PPHLN1: variants seen among roughly 807,000 people sequenced by gnomAD.
The protein encoded by PPHLN1 is periphilin 1.
PPHLN1 carries 29 observed loss-of-function variants against 51.3 expected under a neutral mutation model. The ratio of observed to expected loss-of-function variants is 0.57; its 90% CI spans 0.42 to 0.77. The LOEUF (loss-of-function observed/expected upper bound fraction) is 0.77, where lower values mean the gene tolerates loss of function less well. Ranked by LOEUF, PPHLN1 falls within the 30% of genes least tolerant of loss-of-function variation. The pLI is 0.00. For synonymous variants in PPHLN1, 147 were observed against 147.8 expected, an observed-to-expected ratio of 0.99 and a Z score of 0.04; for missense variants, 436 against 438.4, an observed-to-expected ratio of 0.99 and a Z score of 0.05.
At chr12:42,343,808 A>T (rs2071846120) in intron 2 of PPHLN1, 3 of 402,880 alleles carry the variant, frequency 7.4e-6, no homozygotes. Flanking sequence ...AAGATGCCTT[A>T]GCTCTCTGGG....
At chr12:42,383,852 C>T (rs2076960090) in intron 5 of PPHLN1, among the ~76,000 whole-genome samples, 2 of 151,722 alleles carry the variant, frequency 1.3e-5, no homozygotes. Flanking sequence ...GGTGTGGTCG[C>T]AGGTGCCTGT....
chr12:42,351,773 A>C lies in PPHLN1; in HGVS notation c.73-112A>C, dbSNP rs913242178. On this transcript the variant is annotated intron_variant, in intron 2 of 9. Transcript: ENST00000358314. The stretch of plus-strand genomic sequence containing the variant: ...TGTTATTTCATTAACGCTTTTGTTT[A>C]TACATTTAGCTCATTCGATTAAGGG... 5 of 738,688 alleles carry C rather than the reference A, an allele frequency of 6.8e-6. No individual in the cohort carries two copies. The South Asian group carries it at 1.5e-4, about 22-fold the overall frequency. 45.8% of individuals were successfully genotyped at this position (738,688 alleles called of 1,614,324 possible).
At chr12:42,361,360 AC>A (rs2074662191) in intron 4 of PPHLN1, 2 of 106,860 alleles carry the variant, frequency 1.9e-5, no homozygotes, top group East Asian at 2.8e-4. Flanking sequence ...ATAATTTGTT[AC>A]GGCAGTCCAA....
chr12:42,426,193 C>T (rs1470732942), intron 9 of PPHLN1, among the ~76,000 whole-genome samples: 1 of 139,890 alleles, frequency 7.1e-6, no homozygotes, highest in Non-Finnish European at 1.5e-5. Context: ...CACACACACA[C>T]ACACACACAC....
intron 1 of PPHLN1, among the ~76,000 whole-genome samples, chr12:42,329,307 G>C (rs575733050): frequency 6.6e-6 from 1 of 151,770 alleles, no homozygotes; most frequent in Admixed American, 6.6e-5. Context: ...GGGTTTCACC[G>C]TGTTAGCCAG....
intron 1 of PPHLN1, among the ~76,000 whole-genome samples, chr12:42,329,271 T>C (rs1229617017): frequency 1.3e-5 from 2 of 151,786 alleles, no homozygotes; most frequent in Non-Finnish European, 2.9e-5. Flanking sequence ...CCGGCTAATT[T>C]TGTTTTTGTA....
chr12:42,372,166 TACC>T (rs113202765), intron 4 of PPHLN1, among the ~76,000 whole-genome samples: 4,990 of 152,268 alleles, frequency 0.033, 267 homozygotes, highest in African/African-American at 0.11. Context: ...TGGCTAATAT[TACC>T]ACTTTATCAA....
chr12:42,428,338 T>C (rs1249004830), intron 9 of PPHLN1, among the ~76,000 whole-genome samples: 1 of 152,176 alleles, frequency 6.6e-6, no homozygotes, highest in Non-Finnish European at 1.5e-5. Context: ...AACTTGCAAC[T>C]GTGAAATCAT....
At chr12:42,437,402 A>G (rs57647260) in intron 9 of PPHLN1, among the ~76,000 whole-genome samples, 3,105 of 152,252 alleles carry the variant, frequency 0.02, 96 homozygotes, top group African/African-American at 0.071. Flanking sequence ...AGTGTTCTGT[A>G]TTATCTTATT....
chr12:42,343,675 C>G (rs1330056510), intron 2 of PPHLN1: 2 of 243,024 alleles, frequency 8.2e-6, no homozygotes, highest in Non-Finnish European at 1.6e-5. Context: ...ATGTTCCCTT[C>G]TGTAGAGTTG....
intron 1 of PPHLN1, among the ~76,000 whole-genome samples, chr12:42,331,428 CTT>C (rs1028292146): frequency 2.6e-5 from 4 of 152,316 alleles, no homozygotes; most frequent in Non-Finnish European, 5.9e-5. Context: ...TTGCCTATGA[CTT>C]TGTTTTCTCA....
chr12:42,343,465 A>G (rs924821499), intron 2 of PPHLN1, among the ~76,000 whole-genome samples: 2 of 152,220 alleles, frequency 1.3e-5, no homozygotes, highest in Admixed American at 1.3e-4. Flanking sequence ...TTGCTTTATC[A>G]TGTATTTATT....
chr12:42,442,588 C>T, downstream of PPHLN1: 1 of 1,610,608 alleles, frequency 6.2e-7, no homozygotes. Context: ...CCTAGCCATT[C>T]TTACACAAAA....
chr12:42,355,582 C>CA (rs71434401), intron 4 of PPHLN1: 42,504 of 135,138 alleles, frequency 0.31, 7,153 homozygotes, highest in Middle Eastern at 0.4. Context: ...ACTAAAAATA[C>CA]AAAAAAAAAG....
At chr12:42,401,638 G>C (rs960180339) in intron 9 of PPHLN1, among the ~76,000 whole-genome samples, 1 of 152,096 alleles carries the variant, frequency 6.6e-6, no homozygotes, top group African/African-American at 2.4e-5. Flanking sequence ...GAGGGATCTA[G>C]GTTGTGTGCC....
chr12:42,427,251 A>G (rs933226330), intron 9 of PPHLN1, among the ~76,000 whole-genome samples: 2 of 152,204 alleles, frequency 1.3e-5, no homozygotes, highest in Admixed American at 6.5e-5. Context: ...TAATTCTCAA[A>G]TATTTCTTTT....
chr12:42,342,995 T>C (rs1036349407), intron 2 of PPHLN1, among the ~76,000 whole-genome samples: 1 of 152,216 alleles, frequency 6.6e-6, no homozygotes, highest in African/African-American at 2.4e-5. Flanking sequence ...ATCCAGAACA[T>C]GATTTTGTTA....
At chr12:42,437,798 A>G (rs974080208) in intron 9 of PPHLN1, among the ~76,000 whole-genome samples, 4 of 152,214 alleles carry the variant, frequency 2.6e-5, no homozygotes, top group African/African-American at 7.2e-5. Context: ...CCCATACAGC[A>G]TAATTTCATC....
rs141739579 is a variant in PPHLN1 at position 42,400,982 on chromosome 12, A to C, written c.909+1988A>C. On this transcript the variant is annotated intron_variant, in intron 9 of 9. Transcript: ENST00000358314. ...TCTCCATATTTTTTAAAAGATATGC[A>C]TGTATATTTTTAATGAGTAAAGCAT... Among the ~76,000 whole-genome samples the C allele has an allele frequency of 6.1e-3, 924 of 152,306 alleles. 17 individuals are homozygous for C. The highest frequency in any genetic ancestry group is 0.029 in the East Asian group (149 of 5,186).
Sources: gnomAD v4.1 joint callset for allele counts (sites outside exome capture counted in the v4.1 genomes callset) on GRCh38, gnomAD v4.1.1 for gene constraint, MANE v1.5 for transcripts, NCBI Gene and HGNC (gene_info 2026-07-23, HGNC 2026-07-21) for gene names.